MAP4K5: variants seen among roughly 807,000 people sequenced by gnomAD.
MAP4K5 encodes the protein MAPK/ERK kinase kinase kinase 5.
MAP4K5 carries 82 observed loss-of-function variants against 135.6 expected under a neutral mutation model. The observed-to-expected ratio is 0.60, with a 90% CI of 0.51 to 0.73. The LOEUF (loss-of-function observed/expected upper bound fraction) is 0.73, where lower values mean the gene tolerates loss of function less well. Ranked by LOEUF, MAP4K5 falls within the 30% of genes least tolerant of loss-of-function variation. The probability of loss-of-function intolerance (pLI) is 0.00; values close to 1 mark genes in which losing one functional copy is unlikely to be tolerated. For missense variants in MAP4K5, 907 were observed against 1,010.9 expected (o/e 0.90, Z 1.39); for synonymous variants, 347 against 335.0 (o/e 1.04, Z -0.39).
intron 2 of MAP4K5, among the ~76,000 whole-genome samples, chr14:50,531,201 A>G (rs1217228517): frequency 2.6e-5 from 4 of 152,204 alleles, no homozygotes; most frequent in South Asian, 4.1e-4. Context: ...CTTCTCTACA[A>G]TGTTTTTTAA....
intron 3 of MAP4K5, among the ~76,000 whole-genome samples, chr14:50,501,998 G>A (rs2037715992): frequency 6.6e-6 from 1 of 152,066 alleles, no homozygotes; most frequent in Non-Finnish European, 1.5e-5. Context: ...TGAATTTTAT[G>A]GGTCAACTGA....
At chr14:50,552,183 A>G (rs1421953968) in intron 1 of MAP4K5, among the ~76,000 whole-genome samples, 1 of 152,212 alleles carries the variant, frequency 6.6e-6, no homozygotes, top group Non-Finnish European at 1.5e-5. Flanking sequence ...AAATCAATGT[A>G]CACAAATCAG....
intron 3 of MAP4K5, among the ~76,000 whole-genome samples, chr14:50,503,187 A>G (rs2037743028): frequency 6.6e-6 from 1 of 152,096 alleles, no homozygotes. Flanking sequence ...TGCAAACAGC[A>G]TCTAAAAATC....
chr14:50,477,180 A>G (rs1394296561), intron 6 of MAP4K5, among the ~76,000 whole-genome samples: 1 of 152,156 alleles, frequency 6.6e-6, no homozygotes, highest in Non-Finnish European at 1.5e-5. Flanking sequence ...AGTTTTCTGT[A>G]TGCAGGTGTT....
chr14:50,503,739 C>G (rs539596669), intron 3 of MAP4K5, among the ~76,000 whole-genome samples: 1 of 152,034 alleles, frequency 6.6e-6, no homozygotes, highest in Non-Finnish European at 1.5e-5. Context: ...CCACTGCACT[C>G]GCTTAAGACA....
In MAP4K5 at chr14:50,513,351, T is replaced by G. The variant is rs371031360; in HGVS notation, c.109-8494A>C. 1.2e-4 allele frequency among the ~76,000 whole-genome samples: 18 copies of G among 152,240 alleles called. No homozygotes were observed. In the East Asian group the frequency reaches 3.5e-3, roughly 29 times the overall value. On this transcript the variant is annotated intron_variant, in intron 2 of 32. Coordinates refer to ENST00000682126, the MANE Select transcript of MAP4K5 (RefSeq NM_006575.6). ...TTCCACTTAAACAAACAAAAAAAAT[T>G]GAAAGATGTTAATTAAGCCATTTCT... is the stretch of plus-strand genomic sequence containing the variant.
At chr14:50,555,473 G>C (rs2140166390) in intron 1 of MAP4K5, among the ~76,000 whole-genome samples, 1 of 152,140 alleles carries the variant, frequency 6.6e-6, no homozygotes, top group African/African-American at 2.4e-5. Context: ...TAGTAGAGAC[G>C]GGGTTTCACC....
intron 2 of MAP4K5, chr14:50,505,231 A>C (rs2037785229): frequency 5.8e-6 from 1 of 173,284 alleles, no homozygotes; most frequent in South Asian, 1.5e-4. Context: ...TCTGTATCTA[A>C]CTACCTAGAG....
chr14:50,475,091 A>G lies in MAP4K5; in HGVS notation c.528T>C (p.Ile176=), dbSNP rs771298997. ...TAATGTCTTACCAGTAAGGGGTGCCAATGAAAGATTTTCGTTTTGCAATGG... is the reference window on the plus strand; with the variant it reads ...TAATGTCTTACCAGTAAGGGGTGCCGATGAAAGATTTTCGTTTTGCAATGG... ...TATIAKRKSF[I]GTPYWMAPEV... The change falls in exon 9 of 33, where the codon ATT becomes ATC. Residue 176 remains isoleucine (I), a synonymous_variant. Transcript: ENST00000682126. 2.5e-6 allele frequency: 4 copies of G among 1,613,708 alleles called. No homozygotes were observed. Among genetic ancestry groups the G allele is most frequent in the Admixed American group, 1.7e-5 (1 of 60,022 alleles).
intron 28 of MAP4K5, among the ~76,000 whole-genome samples, chr14:50,432,997 C>T (rs1348116167): frequency 1.3e-5 from 2 of 152,048 alleles, no homozygotes; most frequent in Non-Finnish European, 1.5e-5. Context: ...ACCACCACGC[C>T]CGGCTAAGTT....
In MAP4K5 at chr14:50,503,835, G is replaced by T. The variant is rs371267535; in HGVS notation, c.166+965C>A. ...GAATAACCATCCTTGAACATAATTT[G>T]AATATTTGCTCTAGTGACTTTTCCA... On this transcript the variant is annotated intron_variant, in intron 3 of 32. Transcript: ENST00000682126. 7.2e-5 allele frequency among the ~76,000 whole-genome samples: 11 copies of T among 152,076 alleles called. No homozygotes were observed. In the East Asian group the frequency reaches 7.7e-4, roughly 11 times the overall value.
rs1326613229 is a variant in MAP4K5 at position 50,482,356 on chromosome 14, A to G, written c.378+5T>C. 2.7e-6 allele frequency: 4 copies of G among 1,477,498 alleles called. No individual in the cohort carries two copies. The highest frequency in any genetic ancestry group is 5.7e-5 in the Admixed American group (2 of 34,980). The allele number at this position is 1,477,498 out of a possible 1,614,324, so 91.5% of individuals were successfully genotyped here. A position where few individuals can be genotyped will look rare whatever the true frequency, so the allele number is the denominator to read the frequency against. ...CTTTCTAACTATATTAAGAAAATAT[A>G]GTACCTGTAAGGTTTCTCTGCATAC... On this transcript the variant is annotated splice_donor_5th_base_variant and intron_variant, in intron 6 of 32. Coordinates refer to ENST00000682126, the MANE Select transcript of MAP4K5 (RefSeq NM_006575.6).
intron 21 of MAP4K5, among the ~76,000 whole-genome samples, chr14:50,442,028 T>C (rs1380169105): frequency 4.6e-5 from 7 of 152,186 alleles, no homozygotes; most frequent in South Asian, 2.1e-4. Context: ...AGAGGTGTTA[T>C]GTTTGTTTTC....
At chr14:50,554,621 A>C (rs1014691571) in intron 1 of MAP4K5, among the ~76,000 whole-genome samples, 1 of 152,196 alleles carries the variant, frequency 6.6e-6, no homozygotes, top group Admixed American at 6.5e-5. Flanking sequence ...TGAGAACCCA[A>C]ATATCTCAGA....
intron 11 of MAP4K5, among the ~76,000 whole-genome samples, chr14:50,465,844 G>A (rs1463375030): frequency 6.6e-6 from 1 of 152,154 alleles, no homozygotes; most frequent in Non-Finnish European, 1.5e-5. Context: ...TTGGGAGGCC[G>A]AAGTGGGCAG....
chr14:50,426,743 AAAAT>A (rs1372211667), intron 30 of MAP4K5, among the ~76,000 whole-genome samples: 1 of 152,172 alleles, frequency 6.6e-6, no homozygotes, highest in Non-Finnish European at 1.5e-5. Flanking sequence ...AAATAAATAA[AAAAT>A]AAAATAAAAT....
intron 2 of MAP4K5, among the ~76,000 whole-genome samples, chr14:50,516,614 A>G (rs946953651): frequency 6.6e-6 from 1 of 152,234 alleles, no homozygotes; most frequent in Non-Finnish European, 1.5e-5. Context: ...CTGGAATCTC[A>G]GTTTGCAGGA....
intron 6 of MAP4K5, among the ~76,000 whole-genome samples, chr14:50,480,225 C>T (rs996436655): frequency 6.6e-6 from 1 of 151,686 alleles, no homozygotes; most frequent in Non-Finnish European, 1.5e-5. Context: ...TTATTTGGTA[C>T]AGGCGGCAAT....
intron 8 of MAP4K5, among the ~76,000 whole-genome samples, chr14:50,475,696 G>A (rs536402204): frequency 1.1e-3 from 171 of 152,254 alleles, no homozygotes; most frequent in African/African-American, 3.9e-3. Context: ...GACAGAGTGA[G>A]ACCATCTCCT....
Sources: gnomAD v4.1 joint callset for allele counts (sites outside exome capture counted in the v4.1 genomes callset) on GRCh38, gnomAD v4.1.1 for gene constraint, MANE v1.5 for transcripts, NCBI Gene and HGNC (gene_info 2026-07-23, HGNC 2026-07-21) for gene names.